The following RYK variants were observed in gnomAD, a reference collection of about 807,000 sequenced individuals.
RYK encodes the protein receptor like tyrosine kinase.
Under a neutral mutation model 70.2 loss-of-function variants are expected in RYK, and 21 were observed. The ratio of observed to expected loss-of-function variants is 0.30; its 90% CI spans 0.21 to 0.43. The LOEUF is 0.43. Ranked by LOEUF, RYK falls within the 20% of genes least tolerant of loss-of-function variation. The pLI, the probability that RYK is intolerant of heterozygous loss-of-function variation, is 1.00. For synonymous variants in RYK, 267 were observed against 278.0 expected (o/e 0.96, Z 0.39); for missense variants, 604 against 753.3 (o/e 0.80, Z 2.32).
chr3:134,187,812 A>T (rs2013516704), intron 9 of RYK, among the ~76,000 whole-genome samples: 1 of 149,338 alleles, frequency 6.7e-6, no homozygotes, highest in South Asian at 2.1e-4. Flanking sequence ...CTCCTGCCTT[A>T]GCCTCCCAAA....
intron 1 of RYK, among the ~76,000 whole-genome samples, chr3:134,245,205 AACT>A (rs991755335): frequency 6.6e-6 from 1 of 152,182 alleles, no homozygotes; most frequent in Non-Finnish European, 1.5e-5. Flanking sequence ...TAAAAGTGTC[AACT>A]ACTACTACAA....
At chr3:134,181,207 T>G (rs2013283683) in intron 10 of RYK, 1 of 152,246 alleles carries the variant, frequency 6.6e-6, no homozygotes, top group South Asian at 2.1e-4. Context: ...ATACTAGGAT[T>G]AAACACCTTT....
At chr3:134,240,917 G>T (rs569423521) in intron 1 of RYK, among the ~76,000 whole-genome samples, 3 of 152,310 alleles carry the variant, frequency 2.0e-5, no homozygotes, top group East Asian at 1.9e-4. Context: ...TTCATTTTAT[G>T]ATTTCCCTGC....
At chr3:134,204,738 T>A (rs2014153051) in intron 5 of RYK, among the ~76,000 whole-genome samples, 1 of 152,006 alleles carries the variant, frequency 6.6e-6, no homozygotes, top group African/African-American at 2.4e-5. Context: ...TCATGAAAGA[T>A]TTGATCACGA....
intron 1 of RYK, among the ~76,000 whole-genome samples, chr3:134,231,004 C>T (rs992301661): frequency 1.3e-5 from 2 of 151,860 alleles, no homozygotes. Context: ...TTCAAAACAC[C>T]TTTCCCAGGA....
In RYK at chr3:134,237,327, TAAC is replaced by T. The variant is rs200625309; in HGVS notation, c.232+13093_232+13095del. 3.0e-3 allele frequency among the ~76,000 whole-genome samples: 451 copies of T among 152,280 alleles called. 3 individuals are homozygous for T. Among genetic ancestry groups the T allele is most frequent in the African/African-American group, 9.8e-3 (409 of 41,568 alleles). On this transcript the variant is annotated intron_variant, in intron 1 of 14. Coordinates refer to ENST00000623711, the MANE Select transcript of RYK (RefSeq NM_002958.4). Reference sequence around the variant, plus strand: ...TTTTAAAAGCCACCTTTATAGCACTTAACAAAACATATTTCAGGGAGTTGTTTC... The same window carrying T: ...TTTTAAAAGCCACCTTTATAGCACTTAAAACATATTTCAGGGAGTTGTTTC...
At chr3:134,215,552 G>A (rs1217570132) in intron 2 of RYK, among the ~76,000 whole-genome samples, 1 of 152,182 alleles carries the variant, frequency 6.6e-6, no homozygotes, top group African/African-American at 2.4e-5. Context: ...TCTGGGATTA[G>A]AGAAGAAATT....
chr3:134,200,866 T>C (rs1305566176), intron 6 of RYK, among the ~76,000 whole-genome samples: 1 of 152,226 alleles, frequency 6.6e-6, no homozygotes, highest in Non-Finnish European at 1.5e-5. Flanking sequence ...TCAGGTAATG[T>C]CTGGAAACTT....
chr3:134,183,176 G>A (rs2013355083), intron 9 of RYK, 105 bp from the exon 10 acceptor site: 1 of 546,698 alleles, frequency 1.8e-6, no homozygotes, highest in East Asian at 3.4e-5. Flanking sequence ...AGGTACATAG[G>A]TTTTCATTAT....
chr3:134,227,997 T>C (rs1444137402), intron 1 of RYK, among the ~76,000 whole-genome samples: 1 of 152,154 alleles, frequency 6.6e-6, no homozygotes, highest in Non-Finnish European at 1.5e-5. Context: ...CTTTAAAAAA[T>C]TAAAAGTTAA....
intron 13 of RYK, among the ~76,000 whole-genome samples, chr3:134,163,742 T>C (rs1387361258): frequency 6.6e-6 from 1 of 152,254 alleles, no homozygotes; most frequent in Non-Finnish European, 1.5e-5. Context: ...CATTCAATTG[T>C]AAATTATCTT....
intron 9 of RYK, among the ~76,000 whole-genome samples, chr3:134,184,603 A>G (rs2108158978): frequency 2.6e-5 from 4 of 152,154 alleles, no homozygotes; most frequent in African/African-American, 9.6e-5. Flanking sequence ...TCTATTTCAA[A>G]AAGTGTTTTT....
intron 7 of RYK, among the ~76,000 whole-genome samples, chr3:134,192,457 G>A (rs539840474): frequency 2.0e-5 from 3 of 147,908 alleles, no homozygotes; most frequent in Non-Finnish European, 4.4e-5. Context: ...GTTTCAAACA[G>A]AAAGTTATTT....
intron 1 of RYK, among the ~76,000 whole-genome samples, chr3:134,237,816 TTATTA>T (rs927432663): frequency 6.6e-6 from 1 of 152,234 alleles, no homozygotes; most frequent in Middle Eastern, 3.2e-3. Flanking sequence ...CACTATTATT[TTATTA>T]TATCATCCAC....
At position 134,250,750 on chromosome 3, in the gene RYK, G is replaced by C. The variant is rs570101510; in HGVS notation, c.-96C>G. ...CCGCTCACAGCCCCGAGCCGGGGGC[G>C]GCTGCCCAGCTCATCGCACCGCCGG... On this transcript the variant is annotated 5_prime_UTR_variant, in exon 1 of 15. Coordinates refer to ENST00000623711, the MANE Select transcript of RYK (RefSeq NM_002958.4). 1.8e-6 allele frequency: 1 copy of C among 564,480 alleles called. No homozygotes were observed. The highest frequency in any genetic ancestry group is 2.1e-5 in the African/African-American group (1 of 48,766). 35.0% of individuals were successfully genotyped at this position (564,480 alleles called of 1,614,324 possible).
At chr3:134,207,095 C>T (rs1314911463) in intron 5 of RYK, among the ~76,000 whole-genome samples, 1 of 152,136 alleles carries the variant, frequency 6.6e-6, no homozygotes, top group Non-Finnish European at 1.5e-5. Flanking sequence ...TAAGCTTACA[C>T]CTTCACCTGG....
chr3:134,229,177 G>GC (rs1227603958), intron 1 of RYK, among the ~76,000 whole-genome samples: 1 of 152,038 alleles, frequency 6.6e-6, no homozygotes, highest in East Asian at 1.9e-4. Context: ...GATAGAAGAG[G>GC]CCCTGTCTGC....
At chr3:134,167,895 C>G (rs1346987001) in intron 13 of RYK, among the ~76,000 whole-genome samples, 7 of 152,082 alleles carry the variant, frequency 4.6e-5, no homozygotes, top group African/African-American at 1.7e-4. Context: ...GGCTAATATC[C>G]AGAATCTACA....
intron 1 of RYK, among the ~76,000 whole-genome samples, chr3:134,223,676 G>A (rs1225342750): frequency 1.3e-5 from 2 of 152,018 alleles, no homozygotes; most frequent in African/African-American, 4.8e-5. Context: ...ACTAAGAGCA[G>A]GGAGTAACTT....
Sources: gnomAD v4.1 joint callset for allele counts (sites outside exome capture counted in the v4.1 genomes callset) on GRCh38, gnomAD v4.1.1 for gene constraint, MANE v1.5 for transcripts, NCBI Gene and HGNC (gene_info 2026-07-23, HGNC 2026-07-21) for gene names.